Variants in EPB41L5 observed in about 807,000 individuals in gnomAD.
The protein encoded by EPB41L5 is erythrocyte membrane protein band 4.1 like 5.
In EPB41L5, 55 loss-of-function variants were observed where a neutral mutation model predicts 106.6. The observed-to-expected ratio is 0.52, with a 90% CI of 0.42 to 0.65. EPB41L5 has a LOEUF of 0.65. Among genes scored for constraint, EPB41L5 ranks in the 30% least tolerant of loss-of-function variants. The probability of loss-of-function intolerance (pLI) is 0.00; values close to 1 mark genes in which losing one functional copy is unlikely to be tolerated. For synonymous variants in EPB41L5, 297 were observed against 306.7 expected (o/e 0.97, Z 0.33); for missense variants, 871 against 882.1 (o/e 0.99, Z 0.16).
chr2:120,160,856 T>C (rs1380528251), intron 20 of EPB41L5, 25 bp from the exon 21 acceptor site: 2 of 1,556,186 alleles, frequency 1.3e-6, no homozygotes, highest in Admixed American at 3.3e-5. Flanking sequence ...TCCTACATGA[T>C]GTGAATTTAT....
intron 16 of EPB41L5, among the ~76,000 whole-genome samples, chr2:120,114,859 C>G (rs939235962): frequency 2.6e-5 from 4 of 152,094 alleles, no homozygotes; most frequent in Non-Finnish European, 5.9e-5. Context: ...ATAAACTTAT[C>G]TAGTTTTTCT....
chr2:120,104,672 G>C, intron 16 of EPB41L5: 2 of 985,294 alleles, frequency 2.0e-6, no homozygotes, highest in Non-Finnish European at 2.4e-6. Context: ...TCAGCCTTTT[G>C]AGATATTTAT....
intron 18 of EPB41L5, among the ~76,000 whole-genome samples, chr2:120,137,483 G>A (rs1205235981): frequency 1.3e-5 from 2 of 151,888 alleles, no homozygotes; most frequent in Non-Finnish European, 2.9e-5. Flanking sequence ...AGAAAAAAGA[G>A]AAGACTCAAA....
chr2:120,029,926 A>G (rs1489590067), intron 2 of EPB41L5, among the ~76,000 whole-genome samples: 1 of 152,206 alleles, frequency 6.6e-6, no homozygotes, highest in Non-Finnish European at 1.5e-5. Context: ...AAGAAGCCAG[A>G]GTTATTGACG....
intron 10 of EPB41L5, among the ~76,000 whole-genome samples, chr2:120,080,742 T>A (rs1332307320): frequency 6.6e-6 from 1 of 152,228 alleles, no homozygotes; most frequent in Admixed American, 6.5e-5. Flanking sequence ...AAAGTGTTCC[T>A]GTGTCTCCAC....
At chr2:120,119,287 T>C (rs1685096783) in intron 16 of EPB41L5, among the ~76,000 whole-genome samples, 1 of 152,190 alleles carries the variant, frequency 6.6e-6, no homozygotes, top group African/African-American at 2.4e-5. Flanking sequence ...CTGTTCATTC[T>C]GCTGACAGTT....
intron 2 of EPB41L5, among the ~76,000 whole-genome samples, chr2:120,020,831 A>AG (rs56005759): frequency 8.7e-6 from 1 of 115,336 alleles, no homozygotes; most frequent in Non-Finnish European, 1.7e-5. Flanking sequence ...AAAAAAAAAG[A>AG]GGTTTTTAAA....
At chr2:120,143,668 T>C (rs2105496084) in intron 19 of EPB41L5, among the ~76,000 whole-genome samples, 1 of 152,222 alleles carries the variant, frequency 6.6e-6, no homozygotes, top group South Asian at 2.1e-4. Flanking sequence ...TCAACTAGGA[T>C]TTCAAATTCA....
chr2:120,103,746 A>G (rs1684283847), intron 16 of EPB41L5, among the ~76,000 whole-genome samples: 1 of 152,170 alleles, frequency 6.6e-6, no homozygotes, highest in Non-Finnish European at 1.5e-5. Context: ...TTCTGCTTTT[A>G]ATATTAGTAA....
intron 3 of EPB41L5, among the ~76,000 whole-genome samples, chr2:120,069,346 A>T (rs1681697061): frequency 1.3e-5 from 2 of 152,012 alleles, no homozygotes; most frequent in Non-Finnish European, 2.9e-5. Context: ...CTACAAAGAG[A>T]CTTAGACTCC....
chr2:120,043,311 C>T (rs1268090521), intron 3 of EPB41L5, among the ~76,000 whole-genome samples: 1 of 151,702 alleles, frequency 6.6e-6, no homozygotes, highest in South Asian at 2.1e-4. Flanking sequence ...GAGACTGAAC[C>T]GGGAGGATTA....
rs763793036 is a variant in EPB41L5 at position 120,077,310 on chromosome 2, G to A, written c.708G>A (p.Val236=). The change falls in exon 9 of 25, where the codon GTG becomes GTA. Residue 236 remains valine (V), a synonymous_variant. Transcript: ENST00000263713. ...AAATGTATGGGGTTGATATGCATGT[G>A]GTCAAGGTAAGCATTGTGTTGTGAT... ...WLEMYGVDMH[V]VKARDGNDYS... 1.9e-6 allele frequency: 3 copies of A among 1,610,312 alleles called. No homozygotes were observed. The East Asian group carries it at 6.7e-5, about 36-fold the overall frequency.
intron 9 of EPB41L5, 83 bp downstream of exon 9, chr2:120,077,399 G>C: frequency 8.4e-7 from 1 of 1,192,106 alleles, no homozygotes; most frequent in Non-Finnish European, 1.2e-6. Flanking sequence ...GTATGAGGGA[G>C]GGCATGGAGT....
In EPB41L5 at chr2:120,076,776, C is replaced by T. The variant is rs542177589; in HGVS notation, c.506-195C>T. Reference sequence around the variant, plus strand: ...AGAGAAAGATATGTAATTAAAAATACACTACCAAAAATAAATATGAGATAT... The same window carrying T: ...AGAGAAAGATATGTAATTAAAAATATACTACCAAAAATAAATATGAGATAT... On this transcript the variant is annotated intron_variant, in intron 7 of 24. Transcript: ENST00000263713. Among the ~76,000 whole-genome samples the T allele has an allele frequency of 2.0e-5, 3 of 152,160 alleles. No individual in the cohort carries two copies. The South Asian group carries it at 6.2e-4, about 32-fold the overall frequency.
intron 10 of EPB41L5, among the ~76,000 whole-genome samples, chr2:120,082,226 G>A (rs1273675013): frequency 6.6e-6 from 1 of 152,136 alleles, no homozygotes; most frequent in African/African-American, 2.4e-5. Context: ...TGCCCTTTCA[G>A]TATGATATTG....
chr2:120,122,601 A>G (rs1210429258), intron 16 of EPB41L5, among the ~76,000 whole-genome samples: 1 of 152,200 alleles, frequency 6.6e-6, no homozygotes, highest in Non-Finnish European at 1.5e-5. Flanking sequence ...GTTTGAAGTC[A>G]GGTAGCATGA....
chr2:120,158,747 G>T (rs1038938982), intron 20 of EPB41L5, among the ~76,000 whole-genome samples: 1 of 152,156 alleles, frequency 6.6e-6, no homozygotes, highest in African/African-American at 2.4e-5. Flanking sequence ...AGAGCAATCA[G>T]GCTGGAGAAA....
At position 120,146,254 on chromosome 2, in the gene EPB41L5, T is replaced by C. The variant is rs1365388051; in HGVS notation, c.1758T>C (p.His586=). 6.2e-7 allele frequency: 1 copy of C among 1,609,860 alleles called. No homozygotes were observed. The highest frequency in any genetic ancestry group is 1.3e-5 in the African/African-American group (1 of 74,954). ...KVTKEDSLLS[H]KNANVQDAAT... ...CAAAAGAAGATAGCTTATTAAGTCA[T>C]AAAAATGCCAATGTTCAGGATGCTG... Residue 586 remains histidine, a synonymous_variant, in exon 20 of 25, where the codon CAT becomes CAC. Coordinates refer to ENST00000263713, the MANE Select transcript of EPB41L5 (RefSeq NM_020909.4).
At chr2:120,097,839 C>T (rs996714953) in intron 14 of EPB41L5, among the ~76,000 whole-genome samples, 2 of 152,136 alleles carry the variant, frequency 1.3e-5, no homozygotes, top group African/African-American at 4.8e-5. Context: ...GAAAATAATG[C>T]TTTCTGTATT....
Sources: gnomAD v4.1 joint callset for allele counts (sites outside exome capture counted in the v4.1 genomes callset) on GRCh38, gnomAD v4.1.1 for gene constraint, MANE v1.5 for transcripts, NCBI Gene and HGNC (gene_info 2026-07-23, HGNC 2026-07-21) for gene names.